GSN: variants seen among roughly 807,000 people sequenced by gnomAD.
GSN encodes gelsolin, also known as actin-depolymerizing factor.
GSN carries 56 observed loss-of-function variants against 85.7 expected under a neutral mutation model. The observed-to-expected ratio is 0.65, with a 90% confidence interval of 0.53 to 0.82. The LOEUF (loss-of-function observed/expected upper bound fraction) is 0.82. GSN is among the 40% of genes least tolerant of loss of function. The pLI, the probability that GSN is intolerant of heterozygous loss-of-function variation, is 0.00. For synonymous variants in GSN, 373 were observed against 399.1 expected, an observed-to-expected ratio of 0.93 and a Z score of 0.78; for missense variants, 857 against 979.8, an observed-to-expected ratio of 0.87 and a Z score of 1.67.
chr9:121,310,489 C>CA, intron 4 of GSN, 195 bp from the exon 5 acceptor site: 2 of 641,244 alleles, frequency 3.1e-6, no homozygotes, highest in Non-Finnish European at 5.6e-6. Context: ...TCCTAAACCT[C>CA]AGTTTCCTAC....
Position 121,261,246 on chromosome 9 carries a change from C to G in GSN, c.-340-3908C>G, listed in dbSNP as rs1395317874. On this transcript the variant is annotated intron_variant, in intron 6 of 24. Transcript: ENST00000373823. The surrounding 1 kb of genome is among the most constrained non-coding windows in gnomAD (Gnocchi z 4.1). Reference sequence around the variant, plus strand: ...TGGGCTGATTCATCTAGAACAAAAGCCAGCTCTTCCTGCTAAATCCCTGGC... The same window carrying G: ...TGGGCTGATTCATCTAGAACAAAAGGCAGCTCTTCCTGCTAAATCCCTGGC... Among the ~76,000 whole-genome samples, 1 of 152,240 alleles carries G rather than the reference C, an allele frequency of 6.6e-6. No individual in the cohort carries two copies. The highest frequency in any genetic ancestry group is 1.5e-5 in the Non-Finnish European group (1 of 68,042).
intron 2 of GSN, among the ~76,000 whole-genome samples, chr9:121,287,579 G>A (rs1318785785): frequency 6.6e-6 from 1 of 152,084 alleles, no homozygotes; most frequent in Non-Finnish European, 1.5e-5. Context: ...CTCCCAGCTG[G>A]GCCTCAGAGC....
At chr9:121,330,965 A>G (rs534567076) in intron 16 of GSN, among the ~76,000 whole-genome samples, 148 of 152,324 alleles carry the variant, frequency 9.7e-4, no homozygotes, top group African/African-American at 3.4e-3. Flanking sequence ...CCTGGTTGGC[A>G]ATGTTAGCGA....
rs58231680 is a variant in GSN, at chr9:121,251,187, C to CTTTTTTTTTTTTTTTTTTTTT, written c.-341+2877_-341+2878insTTTTTTTTTTTTTTTTTTTTT. On this transcript the variant is annotated intron_variant, in intron 6 of 24. Transcript: ENST00000373823. ...ATAACATACCTACAGCTGATGTGTT[C>CTTTTTTTTTTTTTTTTTTTTT]TTTTTTTTTTTTTGAGATGGATTCT... Among the ~76,000 whole-genome samples, 131 of 73,032 alleles carry CTTTTTTTTTTTTTTTTTTTTT rather than the reference C, an allele frequency of 1.8e-3. 36 individuals are homozygous for CTTTTTTTTTTTTTTTTTTTTT. Among genetic ancestry groups the CTTTTTTTTTTTTTTTTTTTTT allele is most frequent in the Middle Eastern group, 0.031 (2 of 64 alleles). 47.9% of individuals were successfully genotyped at this position (73,032 alleles called of 152,430 possible). A position where few individuals can be genotyped will look rare whatever the true frequency, so the allele number is the denominator to read the frequency against.
At chr9:121,218,620 G>GT (rs1243393933) in intron 4 of GSN, among the ~76,000 whole-genome samples, 2 of 152,138 alleles carry the variant, frequency 1.3e-5, no homozygotes, top group Non-Finnish European at 2.9e-5. Context: ...AGGTAACAGA[G>GT]TGAGTCTCTG....
chr9:121,212,183 C>T (rs188229235), intron 4 of GSN, among the ~76,000 whole-genome samples: 15 of 152,238 alleles, frequency 9.9e-5, no homozygotes, highest in Non-Finnish European at 1.5e-5. Context: ...AACAGATATC[C>T]CAGCAGCTAT....
intron 1 of GSN, among the ~76,000 whole-genome samples, chr9:121,278,927 T>C (rs973748312): frequency 6.6e-6 from 1 of 152,214 alleles, no homozygotes; most frequent in African/African-American, 2.4e-5. Flanking sequence ...CTTTGCCGGC[T>C]CTGTGAATGT....
At chr9:121,331,685 G>A in intron 17 of GSN, 1 of 478,702 alleles carries the variant, frequency 2.1e-6, no homozygotes. Flanking sequence ...CTCTGTTCCA[G>A]GAGAAGGAAG....
chr9:121,247,139 G>A (rs376797420), intron 5 of GSN, among the ~76,000 whole-genome samples: 103 of 152,294 alleles, frequency 6.8e-4, no homozygotes, highest in African/African-American at 2.2e-3. Flanking sequence ...AGCCAGCAGG[G>A]GCAAGGAAGA....
At chr9:121,323,371 G>GTTTTTTTTT (rs59056849) in intron 11 of GSN, among the ~76,000 whole-genome samples, 11 of 117,728 alleles carry the variant, frequency 9.3e-5, no homozygotes, top group East Asian at 2.6e-4. Context: ...TCCCATTACC[G>GTTTTTTTTT]TTTTTTTTTT....
At chr9:121,294,843 A>G (rs2059058065) in intron 2 of GSN, among the ~76,000 whole-genome samples, 1 of 152,226 alleles carries the variant, frequency 6.6e-6, no homozygotes, top group Admixed American at 6.5e-5. Context: ...TCTACAAAAG[A>G]GAAGACAGAC....
chr9:121,248,032 C>T (rs1265253510), intron 5 of GSN, among the ~76,000 whole-genome samples: 3 of 152,144 alleles, frequency 2.0e-5, no homozygotes, highest in Non-Finnish European at 4.4e-5. Flanking sequence ...ACATTCTCTC[C>T]TTTATTTGAT....
chr9:121,272,173 A>C (rs1021769839), intron 1 of GSN, among the ~76,000 whole-genome samples: 1 of 152,228 alleles, frequency 6.6e-6, no homozygotes, highest in Non-Finnish European at 1.5e-5. Flanking sequence ...AGGCAGGCTC[A>C]GTTCCTGCTG....
Position 121,327,483 on chromosome 9 carries a change from G to A in GSN, c.1762+1G>A, listed in dbSNP as rs779092302. 2.6e-6 allele frequency: 4 copies of A among 1,563,244 alleles called. No homozygotes were observed. In the African/African-American group the frequency reaches 5.4e-5, roughly 21 times the overall value. On this transcript the variant is annotated splice_donor_variant, in intron 14 of 17. Coordinates refer to ENST00000432226, the MANE Select transcript of GSN (RefSeq NM_198252.3). LOFTEE classifies it high-confidence loss of function. The stretch of plus-strand genomic sequence containing the variant: ...CAGGTGGCAGAAGGCAGCGAGCCAG[G>A]TAGGAGCCGGGGTGGGGGGCCTGCT...
At chr9:121,233,193 C>T (rs937471952) in intron 5 of GSN, among the ~76,000 whole-genome samples, 7 of 152,098 alleles carry the variant, frequency 4.6e-5, no homozygotes, top group African/African-American at 7.2e-5. Flanking sequence ...AAGCCAGGCG[C>T]GGTGGCTCAT....
intron 14 of GSN, 72 bp downstream of exon 14, chr9:121,327,554 T>C: frequency 7.7e-7 from 1 of 1,293,032 alleles, no homozygotes; most frequent in Non-Finnish European, 1.1e-6. Context: ...TTCCTTCAGC[T>C]TGGGGGCTCT....
chr9:121,249,028 T>C (rs2054759542), intron 6 of GSN, among the ~76,000 whole-genome samples: 1 of 152,128 alleles, frequency 6.6e-6, no homozygotes, highest in African/African-American at 2.4e-5. Flanking sequence ...TAGGAGACTT[T>C]TGTGACAATC....
Position 121,299,549 on chromosome 9 carries a change from G to A in GSN, c.-9-2414G>A. ...GGTGCGGAGAGGCGAGGGGGCTCGC[G>A]TGCGTCGCAGGAGGCTCAGCTGGGC... On this transcript the variant is annotated intron_variant, in intron 2 of 17. Coordinates refer to ENST00000432226, the MANE Select transcript of GSN (RefSeq NM_198252.3). This position sits in a 1 kb window ranked among gnomAD's most constrained non-coding sequence, Gnocchi z 4.2. The A allele has an allele frequency of 2.4e-6, 2 of 837,012 alleles. No individual in the cohort carries two copies. Among genetic ancestry groups the A allele is most frequent in the South Asian group, 5.5e-5 (1 of 18,312 alleles). The allele number at this position is 837,012 out of a possible 1,614,324, so 51.8% of individuals were successfully genotyped here. A position where few individuals can be genotyped will look rare whatever the true frequency, so the allele number is the denominator to read the frequency against.
chr9:121,289,184 T>G (rs1251696025), intron 2 of GSN, among the ~76,000 whole-genome samples: 1 of 151,984 alleles, frequency 6.6e-6, no homozygotes, highest in Non-Finnish European at 1.5e-5. Context: ...TTTTTTCTTT[T>G]TTTCTCCCTC....
Sources: allele counts gnomAD v4.1 joint callset (sites outside exome capture counted in the v4.1 genomes callset), GRCh38; gene constraint gnomAD v4.1.1; non-coding constraint Gnocchi (gnomAD v3.1); transcripts MANE v1.5; gene names NCBI Gene and HGNC (gene_info 2026-07-23, HGNC 2026-07-21).